The following CELF1 variants were observed in gnomAD, a reference collection of about 807,000 sequenced individuals.
CELF1 encodes CUGBP Elav-like family member 1.
In CELF1, 10 loss-of-function variants were observed where a neutral mutation model predicts 61.8. The ratio of observed to expected loss-of-function variants is 0.16; its 90% CI spans 0.10 to 0.27. CELF1 has a LOEUF of 0.27. CELF1 is among the 10% of genes least tolerant of loss of function. CELF1 has a pLI of 1.00. For missense variants in CELF1, 380 were observed against 639.1 expected (o/e 0.59, Z 4.37); for synonymous variants, 236 against 225.1 (o/e 1.05, Z -0.43).
intron 12 of CELF1, 104 bp from the exon 13 acceptor site, chr11:47,475,625 C>A: frequency 9.5e-7 from 1 of 1,050,046 alleles, no homozygotes; most frequent in East Asian, 2.5e-5. Flanking sequence ...CAAAGTTCTC[C>A]CCTTTATCTC....
At chr11:47,487,591 A>T (rs769687931) in intron 4 of CELF1, among the ~76,000 whole-genome samples, 1 of 152,230 alleles carries the variant, frequency 6.6e-6, no homozygotes, top group Non-Finnish European at 1.5e-5. Flanking sequence ...ACAAGAAGAC[A>T]GATGGGGCTC....
At chr11:47,492,030 T>C (rs1288600528) in intron 3 of CELF1, among the ~76,000 whole-genome samples, 1 of 152,200 alleles carries the variant, frequency 6.6e-6, no homozygotes, top group African/African-American at 2.4e-5. Context: ...CAGGCTGGAG[T>C]GCAGTGGCAT....
At chr11:47,514,691 A>G (rs1254429986) in intron 1 of CELF1, among the ~76,000 whole-genome samples, 2 of 103,710 alleles carry the variant, frequency 1.9e-5, no homozygotes, top group African/African-American at 6.9e-5. Flanking sequence ...CCCTATCTCT[A>G]CAAAAAAAAA....
chr11:47,506,934 C>G (rs1200970590), intron 1 of CELF1: 1 of 152,130 alleles, frequency 6.6e-6, no homozygotes, highest in African/African-American at 2.4e-5. Context: ...GTGGGCCATG[C>G]CTAGACGTCT....
In CELF1 at chr11:47,472,107, G is replaced by A. The variant is rs747027562; in HGVS notation, c.*123C>T. On this transcript the variant is annotated 3_prime_UTR_variant, in exon 15 of 15. Coordinates refer to ENST00000687097, the MANE Select transcript of CELF1 (RefSeq NM_001376376.1). The stretch of plus-strand genomic sequence containing the variant: ...AGTCTTCAGGGCAAGCTGTGCCTGC[G>A]AGAGTGGCAGGGATCAGGGTCCAGG... 200 of 1,152,684 alleles carry A rather than the reference G, an allele frequency of 1.7e-4. 1 individual carries two copies. Among genetic ancestry groups the A allele is most frequent in the Non-Finnish European group, 1.9e-4 (156 of 805,818 alleles). 71.4% of individuals were successfully genotyped at this position (1,152,684 alleles called of 1,614,324 possible). A position where few individuals can be genotyped will look rare whatever the true frequency, so the allele number is the denominator to read the frequency against.
intron 1 of CELF1, among the ~76,000 whole-genome samples, chr11:47,511,680 G>A (rs1363942947): frequency 1.3e-5 from 2 of 152,098 alleles, no homozygotes; most frequent in South Asian, 4.1e-4. Context: ...ATCCTCATAC[G>A]TACGCTATCT....
At chr11:47,511,253 A>G (rs1035671547) in intron 1 of CELF1, among the ~76,000 whole-genome samples, 2 of 152,166 alleles carry the variant, frequency 1.3e-5, no homozygotes, top group Admixed American at 6.5e-5. Context: ...TTAAAAGCAG[A>G]ACTGTTTTTC....
intron 2 of CELF1, among the ~76,000 whole-genome samples, chr11:47,559,202 TCTC>T (rs2097218435): frequency 6.6e-6 from 1 of 150,756 alleles, no homozygotes; most frequent in South Asian, 2.1e-4. Context: ...TTCAAGCAAT[TCTC>T]CTACCTCAGC....
intron 1 of CELF1, among the ~76,000 whole-genome samples, chr11:47,524,240 G>A (rs1430124245): frequency 1.3e-5 from 2 of 151,916 alleles, no homozygotes; most frequent in African/African-American, 4.8e-5. Flanking sequence ...AAATTTGAGT[G>A]CCAGGAAAGG....
intron 2 of CELF1, among the ~76,000 whole-genome samples, chr11:47,558,662 T>G (rs191337866): frequency 0.011 from 1,232 of 115,794 alleles, 22 homozygotes; most frequent in African/African-American, 0.039. Context: ...TATAATATAT[T>G]ACATAATATA....
intron 3 of CELF1, 124 bp from the exon 4 acceptor site, chr11:47,489,148 T>C: frequency 1.2e-6 from 1 of 827,486 alleles, no homozygotes; most frequent in Non-Finnish European, 1.7e-6. Context: ...CTTCTTTCAC[T>C]ACTTCCATTC....
intron 1 of CELF1, among the ~76,000 whole-genome samples, chr11:47,540,972 G>A (rs114999791): frequency 0.016 from 2,430 of 152,230 alleles, 51 homozygotes; most frequent in African/African-American, 0.048. Context: ...TATCCCACCC[G>A]ATCTAGCATG....
intron 1 of CELF1, among the ~76,000 whole-genome samples, chr11:47,508,253 A>G (rs1030012786): frequency 2.0e-5 from 3 of 152,206 alleles, no homozygotes; most frequent in Non-Finnish European, 4.4e-5. Flanking sequence ...GGAAGATGTA[A>G]AAGTCAAAGA....
At chr11:47,490,015 G>A (rs990081996) in intron 3 of CELF1, among the ~76,000 whole-genome samples, 5 of 134,356 alleles carry the variant, frequency 3.7e-5, no homozygotes, top group Non-Finnish European at 7.7e-5. Context: ...CTCAGCTCAT[G>A]GCAATCTCCA....
At chr11:47,500,998 G>T in intron 1 of CELF1, 66 bp from the exon 2 acceptor site, 1 of 397,828 alleles carries the variant, frequency 2.5e-6, no homozygotes, top group South Asian at 1.3e-4. Context: ...AAAAAAGAAA[G>T]GCAACACACA....
chr11:47,477,878 C>T (rs1467783615), intron 10 of CELF1, among the ~76,000 whole-genome samples: 1 of 152,152 alleles, frequency 6.6e-6, no homozygotes, highest in Admixed American at 6.5e-5. Flanking sequence ...AGGGAGAACA[C>T]AGCAGAGCAG....
At chr11:47,484,672 C>A (rs2085517864) in intron 6 of CELF1, 149 bp from the exon 7 acceptor site, 7 of 650,260 alleles carry the variant, frequency 1.1e-5, no homozygotes, top group Admixed American at 3.4e-5. Context: ...TTGTATTTTT[C>A]ACATCTCTTT....
upstream of CELF1, among the ~76,000 whole-genome samples, chr11:47,553,707 C>G (rs1411963524): frequency 6.6e-6 from 1 of 151,888 alleles, no homozygotes; most frequent in East Asian, 1.9e-4. Flanking sequence ...TCAGTGTGAA[C>G]GCACAACCTG....
chr11:47,564,189 A>G (rs1258874206), intron 2 of CELF1, among the ~76,000 whole-genome samples: 1 of 148,656 alleles, frequency 6.7e-6, no homozygotes. Context: ...AAAAAAAAAA[A>G]AAAAAGAAAG....
Sources: gnomAD v4.1 joint callset for allele counts (sites outside exome capture counted in the v4.1 genomes callset) on GRCh38, gnomAD v4.1.1 for gene constraint, MANE v1.5 for transcripts, NCBI Gene and HGNC (gene_info 2026-07-23, HGNC 2026-07-21) for gene names.